PRR5L: variants seen among roughly 807,000 people sequenced by gnomAD.
PRR5L encodes proline rich 5 like.
Under a neutral mutation model 36.4 loss-of-function variants are expected in PRR5L, and 21 were observed. The observed-to-expected ratio is 0.58, with a 90% CI of 0.41 to 0.83. PRR5L has a LOEUF of 0.83. PRR5L is among the 40% of genes least tolerant of loss of function. PRR5L has a pLI of 0.00. For synonymous variants in PRR5L, 188 were observed against 197.0 expected (o/e 0.95, Z 0.38); for missense variants, 381 against 473.3 (o/e 0.80, Z 1.81).
chr11:36,333,048 T>A lies in PRR5L; in HGVS notation c.-126+36610T>A, dbSNP rs190767271. On this transcript the variant is annotated intron_variant, in intron 1 of 8. Coordinates refer to ENST00000530639, the MANE Select transcript of PRR5L (RefSeq NM_001160167.2). The stretch of plus-strand genomic sequence containing the variant: ...TGTTGTCTGAACTACAGGAGTCTCC[T>A]AACTGGTCTTCCTCTTTCTTCCTTG... Among the ~76,000 whole-genome samples, 435 of 152,340 alleles carry A rather than the reference T, an allele frequency of 2.9e-3. 7 individuals are homozygous for A. The highest frequency in any genetic ancestry group is 9.8e-3 in the African/African-American group (407 of 41,574).
intron 1 of PRR5L, among the ~76,000 whole-genome samples, chr11:36,341,400 G>C (rs1213027585): frequency 5.3e-5 from 8 of 152,256 alleles, no homozygotes; most frequent in African/African-American, 1.9e-4. Context: ...ATATTCACTG[G>C]GTACTTCGAT....
chr11:36,350,972 A>ACATATT (rs1856929299), intron 1 of PRR5L, among the ~76,000 whole-genome samples: 1 of 48,366 alleles, frequency 2.1e-5, no homozygotes. Flanking sequence ...TTATATATTT[A>ACATATT]TATATATTTA....
At chr11:36,406,104 C>A (rs1348208052) in intron 3 of PRR5L, among the ~76,000 whole-genome samples, 1 of 147,470 alleles carries the variant, frequency 6.8e-6, no homozygotes, top group Non-Finnish European at 1.5e-5. Flanking sequence ...GGTTCCTGAT[C>A]TTTTTTTTTT....
intron 1 of PRR5L, among the ~76,000 whole-genome samples, chr11:36,367,165 AT>A (rs1857152774): frequency 6.6e-6 from 1 of 152,186 alleles, no homozygotes; most frequent in Non-Finnish European, 1.5e-5. Flanking sequence ...AGTCTCATTT[AT>A]ATTCAACAGC....
At chr11:36,302,825 C>A (rs902753807) in intron 1 of PRR5L, among the ~76,000 whole-genome samples, 3 of 152,140 alleles carry the variant, frequency 2.0e-5, no homozygotes, top group African/African-American at 7.2e-5. Context: ...AAGATGCTGG[C>A]TCACGTGTGT....
At chr11:36,437,642 A>C (rs1184913540) in intron 6 of PRR5L, among the ~76,000 whole-genome samples, 166 bp downstream of exon 6, 1 of 152,212 alleles carries the variant, frequency 6.6e-6, no homozygotes, top group Non-Finnish European at 1.5e-5. Flanking sequence ...TTCTATATTT[A>C]GGGCCTAACT....
intron 4 of PRR5L, among the ~76,000 whole-genome samples, chr11:36,422,888 A>T (rs1858299689): frequency 6.6e-6 from 1 of 152,168 alleles, no homozygotes; most frequent in Non-Finnish European, 1.5e-5. Flanking sequence ...ATATACTAGT[A>T]ACAGCTCTGA....
chr11:36,414,679 G>A (rs1858103478), intron 3 of PRR5L, among the ~76,000 whole-genome samples: 1 of 146,096 alleles, frequency 6.8e-6, no homozygotes, highest in Admixed American at 6.7e-5. Flanking sequence ...TCACTCTGAT[G>A]GTAGTTTCTT....
chr11:36,332,328 T>A (rs966694499), intron 1 of PRR5L, among the ~76,000 whole-genome samples: 3 of 152,200 alleles, frequency 2.0e-5, no homozygotes, highest in African/African-American at 7.2e-5. Context: ...AACTGTAGGT[T>A]TGCCATAGCT....
chr11:36,438,049 T>G (rs917603042), intron 6 of PRR5L, among the ~76,000 whole-genome samples: 1 of 152,180 alleles, frequency 6.6e-6, no homozygotes, highest in Non-Finnish European at 1.5e-5. Context: ...CCATTGTATC[T>G]CCTACAAAAT....
At chr11:36,310,659 A>G (rs1157856222) in intron 1 of PRR5L, among the ~76,000 whole-genome samples, 1 of 152,138 alleles carries the variant, frequency 6.6e-6, no homozygotes, top group Non-Finnish European at 1.5e-5. Context: ...CAAGAGGAAA[A>G]GGACTTGCAA....
intron 1 of PRR5L, among the ~76,000 whole-genome samples, chr11:36,346,541 C>T (rs1038125563): frequency 5.9e-5 from 9 of 151,940 alleles, no homozygotes; most frequent in African/African-American, 2.2e-4. Flanking sequence ...CGAGATTGCG[C>T]CACTGCACTT....
chr11:36,393,561 T>C (rs1288751876), intron 1 of PRR5L, among the ~76,000 whole-genome samples: 2 of 152,234 alleles, frequency 1.3e-5, no homozygotes, highest in Non-Finnish European at 2.9e-5. Context: ...GCCAGTACTA[T>C]GCTGTTTTGG....
intron 8 of PRR5L, among the ~76,000 whole-genome samples, chr11:36,460,827 C>T: frequency 6.6e-6 from 1 of 152,226 alleles, no homozygotes; most frequent in East Asian, 1.9e-4. Context: ...CGGGGCACCT[C>T]TCCTGGAGTC....
chr11:36,313,565 G>A (rs1388482936), intron 1 of PRR5L, among the ~76,000 whole-genome samples: 1 of 152,164 alleles, frequency 6.6e-6, no homozygotes, highest in Non-Finnish European at 1.5e-5. Context: ...AATGTAATGG[G>A]GAGTGGGGCA....
intron 1 of PRR5L, among the ~76,000 whole-genome samples, chr11:36,391,711 G>A (rs1295313845): frequency 6.6e-6 from 1 of 152,168 alleles, no homozygotes; most frequent in Non-Finnish European, 1.5e-5. Context: ...TGGGTACTTA[G>A]TGTGTATATT....
chr11:36,302,648 A>G (rs1856389206), intron 1 of PRR5L, among the ~76,000 whole-genome samples: 1 of 152,216 alleles, frequency 6.6e-6, no homozygotes, highest in Non-Finnish European at 1.5e-5. Context: ...TTAGCTGGGC[A>G]TGGTGGCGGG....
At chr11:36,376,853 G>A (rs1857272901) in intron 1 of PRR5L, 1 of 484,272 alleles carries the variant, frequency 2.1e-6, no homozygotes, top group Non-Finnish European at 2.7e-6. Context: ...CGTTTGGGGG[G>A]GCAACCAGGT....
At chr11:36,366,196 T>G (rs1440629129) in intron 1 of PRR5L, among the ~76,000 whole-genome samples, 1 of 152,320 alleles carries the variant, frequency 6.6e-6, no homozygotes, top group East Asian at 1.9e-4. Flanking sequence ...ATGACTAAGC[T>G]GTTTCTTTTA....
Sources: gnomAD v4.1 joint callset for allele counts (sites outside exome capture counted in the v4.1 genomes callset) on GRCh38, gnomAD v4.1.1 for gene constraint, MANE v1.5 for transcripts, NCBI Gene and HGNC (gene_info 2026-07-23, HGNC 2026-07-21) for gene names.